The following SSH2 variants were observed in gnomAD, a reference collection of about 807,000 sequenced individuals.
SSH2 encodes the protein slingshot protein phosphatase 2.
SSH2 carries 37 observed loss-of-function variants against 135.2 expected under a neutral mutation model. The ratio of observed to expected loss-of-function variants is 0.27; its 90% CI spans 0.21 to 0.36. The LOEUF is 0.36. Ranked by LOEUF, SSH2 falls within the 10% of genes least tolerant of loss-of-function variation. The probability of loss-of-function intolerance (pLI) is 1.00; values close to 1 mark genes in which losing one functional copy is unlikely to be tolerated. For missense variants in SSH2, 1,408 were observed against 1,765.3 expected, an observed-to-expected ratio of 0.80 and a Z score of 3.63; for synonymous variants, 628 against 646.2, an observed-to-expected ratio of 0.97 and a Z score of 0.43.
intron 3 of SSH2, among the ~76,000 whole-genome samples, chr17:29,710,841 A>G (rs1267814519): frequency 1.3e-5 from 2 of 152,226 alleles, no homozygotes; most frequent in African/African-American, 4.8e-5. Context: ...GTAGTGAAGA[A>G]AATGTGATTC....
At chr17:29,862,368 T>C (rs938396342) in intron 1 of SSH2, among the ~76,000 whole-genome samples, 1 of 152,232 alleles carries the variant, frequency 6.6e-6, no homozygotes, top group Non-Finnish European at 1.5e-5. Context: ...ATTCAATAAA[T>C]GTTCAATGAA....
rs1279313771 is a variant in SSH2, at chr17:29,635,979, C to T, written c.2251G>A (p.Glu751Lys). ...AAGACAGTTTTTACCTTTGACTGTTCCTCATCCATTGAAGATTCTTCTGAT... is the reference window on the plus strand; with the variant it reads ...AAGACAGTTTTTACCTTTGACTGTTTCTCATCCATTGAAGATTCTTCTGAT... ...HASEESSMDE[E>K]QSKAISELVS... Residue 751 changes from glutamate to lysine, a missense_variant, in exon 15 of 16, where the codon GAA becomes AAA. Physicochemically the swap from Glu to Lys is moderately conservative, Grantham distance 56. Coordinates refer to ENST00000540801, the MANE Select transcript of SSH2 (RefSeq NM_001282129.2). The T allele has an allele frequency of 2.5e-6, 4 of 1,610,642 alleles. No homozygotes were observed. In the South Asian group the frequency reaches 4.4e-5, roughly 18 times the overall value.
chr17:29,682,460 T>C (rs1005129524), intron 6 of SSH2, among the ~76,000 whole-genome samples: 2 of 152,136 alleles, frequency 1.3e-5, no homozygotes, highest in African/African-American at 4.8e-5. Context: ...AACTGAGGAA[T>C]TGAAATTTCA....
chr17:29,904,563 C>A (rs1245933446), intron 1 of SSH2, among the ~76,000 whole-genome samples: 1 of 152,104 alleles, frequency 6.6e-6, no homozygotes, highest in Non-Finnish European at 1.5e-5. Context: ...TGGGTAAAAG[C>A]TGGAAGCATT....
chr17:29,873,836 GACTT>G, intron 1 of SSH2, among the ~76,000 whole-genome samples: 1 of 152,310 alleles, frequency 6.6e-6, no homozygotes, highest in South Asian at 2.1e-4. Context: ...GTGACTGACT[GACTT>G]ACTTAAACAA....
intron 3 of SSH2, among the ~76,000 whole-genome samples, chr17:29,743,542 T>C (rs763109978): frequency 3.3e-5 from 5 of 152,148 alleles, no homozygotes; most frequent in Non-Finnish European, 7.3e-5. Flanking sequence ...AAAATTCCAG[T>C]AGCATGGGCA....
chr17:29,636,805 G>A lies in SSH2; in HGVS notation c.1428-3C>T, dbSNP rs1401456942. The stretch of plus-strand genomic sequence containing the variant: ...ATAGTTTGTTATGCCGCTGTTTGCT[G>A]TGGAGGACATACACAGGAAGTATCT... On this transcript the variant is annotated splice_polypyrimidine_tract_variant and splice_region_variant and intron_variant, in intron 14 of 15. Coordinates refer to ENST00000540801, the MANE Select transcript of SSH2 (RefSeq NM_001282129.2). 7 of 1,593,458 alleles carry A rather than the reference G, an allele frequency of 4.4e-6. No homozygotes were observed. Among genetic ancestry groups the A allele is most frequent in the Non-Finnish European group, 6.0e-6 (7 of 1,165,742 alleles).
chr17:29,723,013 G>A (rs996424742), intron 3 of SSH2, among the ~76,000 whole-genome samples: 61 of 152,290 alleles, frequency 4.0e-4, no homozygotes, highest in African/African-American at 1.3e-3. Flanking sequence ...CATCGGCAAT[G>A]TCTACTACTC....
intron 6 of SSH2, 131 bp from the exon 7 acceptor site, chr17:29,677,872 A>C (rs1598779092): frequency 4.6e-6 from 3 of 652,038 alleles, no homozygotes; most frequent in Admixed American, 2.8e-5. Flanking sequence ...ACAATGAAGA[A>C]ATTTCTATCA....
At chr17:29,730,592 C>T (rs867086483) in intron 3 of SSH2, among the ~76,000 whole-genome samples, 31 of 151,958 alleles carry the variant, frequency 2.0e-4, no homozygotes, top group South Asian at 1.2e-3. Context: ...TGTGCCACCA[C>T]ACTCGGCTAA....
intron 3 of SSH2, among the ~76,000 whole-genome samples, chr17:29,752,121 T>C (rs1234527747): frequency 6.6e-6 from 1 of 152,220 alleles, no homozygotes; most frequent in Non-Finnish European, 1.5e-5. Flanking sequence ...GTAAAACTGT[T>C]AATTTTCTCC....
intron 1 of SSH2, among the ~76,000 whole-genome samples, chr17:29,874,439 C>T (rs1416859115): frequency 6.6e-6 from 1 of 152,086 alleles, no homozygotes; most frequent in Non-Finnish European, 1.5e-5. Context: ...CCCTATAACC[C>T]CGATAAGGGA....
At chr17:29,865,480 T>C (rs892356122) in intron 1 of SSH2, among the ~76,000 whole-genome samples, 2 of 152,186 alleles carry the variant, frequency 1.3e-5, no homozygotes, top group African/African-American at 2.4e-5. Flanking sequence ...AGAGTAAAAA[T>C]GCACTGTATC....
chr17:29,885,472 C>A (rs2066220237), intron 1 of SSH2, among the ~76,000 whole-genome samples: 1 of 151,672 alleles, frequency 6.6e-6, no homozygotes, highest in African/African-American at 2.4e-5. Flanking sequence ...AAGGAAGTGT[C>A]TCTTGGCTGG....
chr17:29,827,660 G>A (rs190512731), intron 2 of SSH2, among the ~76,000 whole-genome samples: 4 of 151,986 alleles, frequency 2.6e-5, no homozygotes. Flanking sequence ...TTTCCAGGAA[G>A]TTCCAGGTAA....
intron 3 of SSH2, among the ~76,000 whole-genome samples, chr17:29,790,544 G>C (rs893161116): frequency 6.6e-6 from 1 of 152,022 alleles, no homozygotes; most frequent in Non-Finnish European, 1.5e-5. Context: ...CCACATTCTG[G>C]ATTTAACCCC....
At chr17:29,734,112 G>A (rs2254414) in intron 3 of SSH2, among the ~76,000 whole-genome samples, 67,247 of 151,654 alleles carry the variant, frequency 0.44, 15,272 homozygotes, top group Non-Finnish European at 0.49. Context: ...AGATGGTGAT[G>A]GGGTTTCACC....
At chr17:29,906,793 C>T (rs552767952) in intron 1 of SSH2, among the ~76,000 whole-genome samples, 50 of 152,068 alleles carry the variant, frequency 3.3e-4, no homozygotes, top group African/African-American at 1.2e-3. Context: ...ATTAAAGAAA[C>T]GCAAATCAAA....
At chr17:29,787,410 T>A (rs1214068217) in intron 3 of SSH2, 2 of 152,256 alleles carry the variant, frequency 1.3e-5, no homozygotes, top group African/African-American at 4.8e-5. Context: ...ATCTCTTGGC[T>A]ATTGTGAATA....
Sources: gnomAD v4.1 joint callset for allele counts (sites outside exome capture counted in the v4.1 genomes callset) on GRCh38, gnomAD v4.1.1 for gene constraint, MANE v1.5 for transcripts, NCBI Gene and HGNC (gene_info 2026-07-23, HGNC 2026-07-21) for gene names.